The following TBC1D25 variants were observed in gnomAD, a reference collection of about 807,000 sequenced individuals.
The protein encoded by TBC1D25 is TBC1 domain family member 25.
TBC1D25 carries 13 observed loss-of-function variants against 38.8 expected under a neutral mutation model. That is an observed-to-expected ratio of 0.34 (90% CI 0.22 to 0.53). The LOEUF (loss-of-function observed/expected upper bound fraction) is 0.53, where lower values mean the gene tolerates loss of function less well. TBC1D25 is among the 20% of genes least tolerant of loss of function. The probability of loss-of-function intolerance (pLI) is 0.94; values close to 1 mark genes in which losing one functional copy is unlikely to be tolerated. For missense variants in TBC1D25, 372 were observed against 600.0 expected (o/e 0.62, Z 3.97); for synonymous variants, 225 against 255.6 (o/e 0.88, Z 1.14).
chrX:48,550,949 G>A (rs1556983106), intron 3 of TBC1D25, among the ~76,000 whole-genome samples: 1 of 111,102 alleles, frequency 9.0e-6, no homozygotes, highest in African/African-American at 3.3e-5. Flanking sequence ...ATGAGCCACC[G>A]CGCCCAGCCT....
At chrX:48,546,206 T>TC (rs2061882887) in intron 3 of TBC1D25, among the ~76,000 whole-genome samples, 1 of 37,019 alleles carries the variant, frequency 2.7e-5, no homozygotes, top group Non-Finnish European at 5.0e-5. Context: ...GAGCGAGACT[T>TC]CATCTCAAAA....
At chrX:48,546,839 A>C (rs2147176016) in intron 3 of TBC1D25, among the ~76,000 whole-genome samples, 1 of 112,285 alleles carries the variant, frequency 8.9e-6, no homozygotes, top group Admixed American at 9.5e-5. Context: ...GTGGCCCAAA[A>C]AAATGTTAAT....
intron 3 of TBC1D25, among the ~76,000 whole-genome samples, chrX:48,555,012 T>C (rs926480447): frequency 1.2e-4 from 13 of 111,510 alleles, no homozygotes; most frequent in Non-Finnish European, 2.1e-4. Context: ...GTGAGAGATA[T>C]GGTGGCTCAG....
chrX:48,551,370 C>T (rs2061930808), intron 3 of TBC1D25, among the ~76,000 whole-genome samples: 1 of 111,787 alleles, frequency 8.9e-6, no homozygotes, highest in South Asian at 3.7e-4. Flanking sequence ...ACTCTGTTGC[C>T]AGGCTGGAGT....
rs2061979755 is a variant in TBC1D25, at chrX:48,556,804, G to C, written c.389-2093G>C. The stretch of plus-strand genomic sequence containing the variant: ...GGACATTGCCATTGTTGGCTTAGTA[G>C]CCCTCTCGTATCAGGGCTGTAGGAG... On this transcript the variant is annotated intron_variant, in intron 3 of 5. Coordinates refer to ENST00000376771, the MANE Select transcript of TBC1D25 (RefSeq NM_002536.4). Among the ~76,000 whole-genome samples, 2 of 106,566 alleles carry C rather than the reference G, an allele frequency of 1.9e-5. 1 individual carries two copies. Among genetic ancestry groups the C allele is most frequent in the South Asian group, 8.3e-4 (2 of 2,406 alleles). 92.5% of individuals were successfully genotyped at this position (106,566 alleles called of 115,157 possible). A position where few individuals can be genotyped will look rare whatever the true frequency, so the allele number is the denominator to read the frequency against.
chrX:48,540,217 G>C (rs782655056), intron 1 of TBC1D25, among the ~76,000 whole-genome samples: 1 of 111,020 alleles, frequency 9.0e-6, no homozygotes, highest in African/African-American at 3.3e-5. Flanking sequence ...GGCCGCAGTA[G>C]TTGAGGGTGG....
intron 3 of TBC1D25, among the ~76,000 whole-genome samples, chrX:48,556,660 T>C (rs1374323135): frequency 2.9e-5 from 3 of 103,951 alleles, no homozygotes; most frequent in Non-Finnish European, 5.8e-5. Context: ...GGCAGGAGAA[T>C]TGGTTGAACC....
At chrX:48,557,246 G>A (rs953917387) in intron 3 of TBC1D25, among the ~76,000 whole-genome samples, 2 of 109,917 alleles carry the variant, frequency 1.8e-5, no homozygotes, top group Admixed American at 9.8e-5. Flanking sequence ...AAAAAAAGAT[G>A]CCTGTAATCC....
chrX:48,546,518 A>G (rs2061888163), intron 3 of TBC1D25, among the ~76,000 whole-genome samples: 1 of 111,361 alleles, frequency 9.0e-6, no homozygotes, highest in South Asian at 3.7e-4. Flanking sequence ...ATCTCAAAAA[A>G]TAAATAAAAT....
At chrX:48,559,507 TAGAA>T in intron 5 of TBC1D25, 103 bp from the exon 6 acceptor site, 1 of 1,093,171 alleles carries the variant, frequency 9.1e-7, no homozygotes, top group Non-Finnish European at 1.2e-6. Flanking sequence ...CTAGCAGACT[TAGAA>T]GGAAGACAGA....
intron 3 of TBC1D25, among the ~76,000 whole-genome samples, chrX:48,556,423 GA>G (rs2147190070): frequency 9.0e-6 from 1 of 111,457 alleles, no homozygotes; most frequent in Non-Finnish European, 1.9e-5. Flanking sequence ...TCTCAAACCA[GA>G]ACAATTTTTC....
At chrX:48,544,605 G>C (rs1730791270) in intron 2 of TBC1D25, among the ~76,000 whole-genome samples, 1 of 111,519 alleles carries the variant, frequency 9.0e-6, no homozygotes, top group African/African-American at 3.3e-5. Flanking sequence ...ATAGGCGTGA[G>C]CCACTGCACC....
At chrX:48,554,576 AAAG>A (rs2147187808) in intron 3 of TBC1D25, among the ~76,000 whole-genome samples, 1 of 108,087 alleles carries the variant, frequency 9.3e-6, no homozygotes, top group African/African-American at 3.4e-5. Flanking sequence ...AAAAAAAAAA[AAAG>A]GATAGGGTTG....
In TBC1D25 at chrX:48,559,852, A is replaced by G; in HGVS notation, c.944A>G (p.His315Arg). Residue 315 changes from histidine to arginine, a missense_variant, in exon 6 of 6, where the codon CAC (histidine) becomes CGC (arginine). Transcript: ENST00000376771. ...PEDGPHLRAL[H>R]DLLTTYAVTH... ...GATGGCCCACATCTACGGGCGCTGC[A>G]CGACCTGCTCACCACCTATGCCGTT... The G allele has an allele frequency of 8.3e-7, 1 of 1,211,765 alleles. No homozygotes were observed.
At chrX:48,554,698 T>G (rs1459306505) in intron 3 of TBC1D25, among the ~76,000 whole-genome samples, 3 of 110,941 alleles carry the variant, frequency 2.7e-5, no homozygotes, top group Non-Finnish European at 5.7e-5. Flanking sequence ...TTCTGACATC[T>G]CCACCTGATC....
intron 3 of TBC1D25, among the ~76,000 whole-genome samples, chrX:48,546,310 G>A (rs781894794): frequency 1.8e-4 from 19 of 107,893 alleles, no homozygotes; most frequent in Non-Finnish European, 3.3e-4. Context: ...TCAGGAGATC[G>A]AGACCACCCT....
At chrX:48,557,312 G>A (rs1411849901) in intron 3 of TBC1D25, among the ~76,000 whole-genome samples, 2 of 110,462 alleles carry the variant, frequency 1.8e-5, no homozygotes, top group African/African-American at 6.6e-5. Flanking sequence ...GTTCGAGACC[G>A]GCCTGGGCAA....
At chrX:48,549,563 G>A (rs1399056590) in intron 3 of TBC1D25, among the ~76,000 whole-genome samples, 4 of 112,099 alleles carry the variant, frequency 3.6e-5, no homozygotes, top group Non-Finnish European at 7.5e-5. Flanking sequence ...GTGCGATGGC[G>A]CGATCTCGGC....
At chrX:48,540,751 G>A (rs924005148) in intron 1 of TBC1D25, among the ~76,000 whole-genome samples, 2 of 112,198 alleles carry the variant, frequency 1.8e-5, no homozygotes, top group East Asian at 2.8e-4. Context: ...GCAGTGATAA[G>A]AGGGTCCACA....
Sources: gnomAD v4.1 joint callset for allele counts (sites outside exome capture counted in the v4.1 genomes callset) on GRCh38, gnomAD v4.1.1 for gene constraint, MANE v1.5 for transcripts, NCBI Gene and HGNC (gene_info 2026-07-23, HGNC 2026-07-21) for gene names.